Variants in LRMDA observed in about 807,000 individuals in gnomAD.
The protein encoded by LRMDA is leucine rich melanocyte differentiation associated.
A neutral mutation model predicts 29.8 loss-of-function variants in LRMDA; 18 were observed. That is an observed-to-expected ratio of 0.60 (90% confidence interval 0.42 to 0.90). The LOEUF (loss-of-function observed/expected upper bound fraction) is 0.90. Among genes scored for constraint, LRMDA ranks in the 40% least tolerant of loss-of-function variants. LRMDA has a pLI of 0.00. For synonymous variants in LRMDA, 125 were observed against 109.4 expected (o/e 1.14, Z -0.89); for missense variants, 273 against 273.9 (o/e 1.00, Z 0.02).
At chr10:76,013,376 G>A (rs1178137671) in intron 2 of LRMDA, among the ~76,000 whole-genome samples, 1 of 152,046 alleles carries the variant, frequency 6.6e-6, no homozygotes, top group African/African-American at 2.4e-5. Flanking sequence ...TGAGGATGGG[G>A]TGGGGCTTCT....
intron 2 of LRMDA, among the ~76,000 whole-genome samples, chr10:75,688,771 A>G (rs1842111550): frequency 6.6e-6 from 1 of 152,158 alleles, no homozygotes; most frequent in South Asian, 2.1e-4. Flanking sequence ...TTTGTTAGAA[A>G]TTGCCACAGC....
intron 2 of LRMDA, among the ~76,000 whole-genome samples, chr10:75,590,138 C>G (rs1840705210): frequency 6.6e-6 from 1 of 151,760 alleles, no homozygotes; most frequent in Non-Finnish European, 1.5e-5. Flanking sequence ...TTCCCCTCAG[C>G]CTCCAAAGTA....
At chr10:75,868,155 GTTGGCTGTCGTC>G (rs1170578194) in intron 2 of LRMDA, among the ~76,000 whole-genome samples, 1 of 152,166 alleles carries the variant, frequency 6.6e-6, no homozygotes, top group Non-Finnish European at 1.5e-5. Context: ...ATTGTGAGGT[GTTGGCTGTCGTC>G]TTGGTAGGAG....
At chr10:76,068,875 C>T (rs897444698) in intron 5 of LRMDA, among the ~76,000 whole-genome samples, 1 of 152,208 alleles carries the variant, frequency 6.6e-6, no homozygotes, top group Admixed American at 6.5e-5. Context: ...AGTAATGGCA[C>T]CCCGTTCCAC....
Position 75,819,471 on chromosome 10 carries a change from G to T in LRMDA, c.132-216537G>T, listed in dbSNP as rs146900380. Among the ~76,000 whole-genome samples, 519 of 152,230 alleles carry T rather than the reference G, an allele frequency of 3.4e-3. 1 individual carries two copies. Among genetic ancestry groups the T allele is most frequent in the Non-Finnish European group, 5.5e-3 (373 of 68,010 alleles). On this transcript the variant is annotated intron_variant, in intron 2 of 6. Coordinates refer to ENST00000611255, the MANE Select transcript of LRMDA (RefSeq NM_001305581.2). Reference sequence around the variant, plus strand: ...AATGAAAATATTTCTTTTTGGTAGGGGAAATGCTTCTAGAGTTCAATTGCT... The same window carrying T: ...AATGAAAATATTTCTTTTTGGTAGGTGAAATGCTTCTAGAGTTCAATTGCT...
chr10:75,916,406 G>T (rs1845935630), intron 2 of LRMDA, among the ~76,000 whole-genome samples: 1 of 152,074 alleles, frequency 6.6e-6, no homozygotes, highest in East Asian at 1.9e-4. Flanking sequence ...GGCAGCAGGG[G>T]TGAGGCAGCC....
chr10:76,342,470 T>C (rs1293907823), intron 6 of LRMDA, among the ~76,000 whole-genome samples: 1 of 151,882 alleles, frequency 6.6e-6, no homozygotes, highest in Non-Finnish European at 1.5e-5. Flanking sequence ...AGCATCTGAC[T>C]CAAAAACAAT....
At chr10:76,332,263 C>T (rs1311414008) in intron 6 of LRMDA, among the ~76,000 whole-genome samples, 1 of 152,230 alleles carries the variant, frequency 6.6e-6, no homozygotes, top group African/African-American at 2.4e-5. Flanking sequence ...ATCTGTTAGA[C>T]TATTACCAAG....
chr10:75,788,493 C>T (rs1843511686), intron 2 of LRMDA, among the ~76,000 whole-genome samples: 1 of 152,178 alleles, frequency 6.6e-6, no homozygotes, highest in Non-Finnish European at 1.5e-5. Context: ...TATGCAGGGA[C>T]TTATTTGTTT....
intron 2 of LRMDA, among the ~76,000 whole-genome samples, chr10:76,024,303 G>A (rs188693015): frequency 2.8e-4 from 42 of 152,312 alleles, no homozygotes; most frequent in African/African-American, 1.0e-3. Context: ...TGCACAACTG[G>A]AAACAGTTGA....
chr10:76,218,441 G>A (rs1272633404), intron 5 of LRMDA, among the ~76,000 whole-genome samples: 1 of 152,196 alleles, frequency 6.6e-6, no homozygotes, highest in Non-Finnish European at 1.5e-5. Context: ...GCAATGCAGG[G>A]AGTGATTGGA....
intron 2 of LRMDA, among the ~76,000 whole-genome samples, chr10:75,813,191 A>G (rs1444212661): frequency 6.6e-6 from 1 of 152,172 alleles, no homozygotes; most frequent in Admixed American, 6.5e-5. Context: ...GGTGATCCAG[A>G]GAGAAGGTCT....
chr10:75,497,622 C>A (rs958388010), intron 2 of LRMDA, among the ~76,000 whole-genome samples: 5 of 151,950 alleles, frequency 3.3e-5, no homozygotes, highest in Admixed American at 6.6e-5. Flanking sequence ...GCTCCCTCCC[C>A]TCCATAGGCA....
intron 2 of LRMDA, among the ~76,000 whole-genome samples, chr10:75,828,869 T>C (rs1186039170): frequency 2.0e-5 from 3 of 152,170 alleles, no homozygotes; most frequent in Non-Finnish European, 2.9e-5. Context: ...AGGAGGTATT[T>C]CTTGTAATTT....
chr10:75,811,339 C>T (rs1011923802), intron 2 of LRMDA, among the ~76,000 whole-genome samples: 6 of 152,246 alleles, frequency 3.9e-5, no homozygotes, highest in Admixed American at 6.5e-5. Flanking sequence ...GTCATAGCAA[C>T]ATCTTGCAGA....
Position 76,324,445 on chromosome 10 carries a change from G to T in LRMDA, c.561G>T (p.Thr187=), listed in dbSNP as rs1231102270. ...DVASSPERHY[T]PLPSASRELT... ...CCAGCTCCCCGGAGCGCCACTACACGCCCTTGCCTTCTGCTTCCAGGGAAC... is the reference window on the plus strand; with the variant it reads ...CCAGCTCCCCGGAGCGCCACTACACTCCCTTGCCTTCTGCTTCCAGGGAAC... The change falls in exon 6 of 7, where the codon ACG becomes ACT. Residue 187 remains threonine (T), a synonymous_variant. Transcript: ENST00000611255. 1.2e-6 allele frequency: 2 copies of T among 1,614,056 alleles called. No homozygotes were observed. Among genetic ancestry groups the T allele is most frequent in the South Asian group, 2.2e-5 (2 of 91,060 alleles).
intron 5 of LRMDA, among the ~76,000 whole-genome samples, chr10:76,315,552 G>A (rs529606673): frequency 6.6e-6 from 1 of 152,318 alleles, no homozygotes; most frequent in African/African-American, 2.4e-5. Flanking sequence ...GCACTCACAC[G>A]CTAGCGCCCC....
chr10:76,060,695 G>C (rs115800617), intron 5 of LRMDA, among the ~76,000 whole-genome samples: 21 of 152,348 alleles, frequency 1.4e-4, no homozygotes, highest in African/African-American at 3.6e-4. Flanking sequence ...GAGCAGGACT[G>C]TTCTGTTGAG....
At chr10:75,454,093 C>A (rs954957849) in intron 2 of LRMDA, among the ~76,000 whole-genome samples, 1 of 152,104 alleles carries the variant, frequency 6.6e-6, no homozygotes, top group Non-Finnish European at 1.5e-5. Flanking sequence ...GACTGCCTGC[C>A]TGGATTCTTC....
Sources: allele counts gnomAD v4.1 joint callset (sites outside exome capture counted in the v4.1 genomes callset), GRCh38; gene constraint gnomAD v4.1.1; transcripts MANE v1.5; gene names NCBI Gene and HGNC (gene_info 2026-07-23, HGNC 2026-07-21).